ZNF618: variants seen among roughly 807,000 people sequenced by gnomAD.
ZNF618 encodes the protein zinc finger protein 618.
In ZNF618, 34 loss-of-function variants were observed where a neutral mutation model predicts 103.0. That is an observed-to-expected ratio of 0.33 (90% CI 0.25 to 0.44). The LOEUF (loss-of-function observed/expected upper bound fraction) is 0.44, where lower values mean the gene tolerates loss of function less well. Ranked by LOEUF, ZNF618 falls within the 20% of genes least tolerant of loss-of-function variation. ZNF618 has a pLI of 1.00. For missense variants in ZNF618, 1,059 were observed against 1,295.4 expected, an observed-to-expected ratio of 0.82 and a Z score of 2.80; for synonymous variants, 551 against 542.2, an observed-to-expected ratio of 1.02 and a Z score of -0.23.
intron 13 of ZNF618, among the ~76,000 whole-genome samples, chr9:114,046,392 C>G (rs1291275204): frequency 6.6e-6 from 1 of 152,140 alleles, no homozygotes; most frequent in Non-Finnish European, 1.5e-5. Flanking sequence ...GTATTCAGTA[C>G]AGTAACGCAC....
intron 4 of ZNF618, among the ~76,000 whole-genome samples, chr9:113,999,681 C>T (rs911707105): frequency 2.0e-5 from 3 of 152,256 alleles, no homozygotes; most frequent in Admixed American, 1.3e-4. Flanking sequence ...CTTGGGCCCC[C>T]CACTGCAGTT....
At chr9:113,975,981 C>G (rs145852629) in intron 2 of ZNF618, among the ~76,000 whole-genome samples, 1 of 152,306 alleles carries the variant, frequency 6.6e-6, no homozygotes, top group East Asian at 1.9e-4. Flanking sequence ...GGCCCATGTA[C>G]TTACTCCAAA....
intron 1 of ZNF618, among the ~76,000 whole-genome samples, chr9:113,956,114 C>T (rs1054405402): frequency 2.3e-4 from 33 of 141,388 alleles, no homozygotes; most frequent in African/African-American, 8.2e-4. Context: ...GAGGCTGAGG[C>T]AGGAGAATTG....
chr9:113,911,362 C>G (rs1831527637), intron 1 of ZNF618, among the ~76,000 whole-genome samples: 1 of 152,060 alleles, frequency 6.6e-6, no homozygotes, highest in Non-Finnish European at 1.5e-5. Flanking sequence ...GAGTTTCACT[C>G]TAGTCACCCA....
At chr9:113,879,005 CTTTT>C (rs879800251) in intron 1 of ZNF618, among the ~76,000 whole-genome samples, 3 of 142,370 alleles carry the variant, frequency 2.1e-5, no homozygotes, top group African/African-American at 7.7e-5. Flanking sequence ...TTGGAATGAG[CTTTT>C]TTTTTTTTAA....
intron 6 of ZNF618, among the ~76,000 whole-genome samples, chr9:114,005,081 A>T (rs970594616): frequency 1.3e-5 from 2 of 152,148 alleles, no homozygotes; most frequent in African/African-American, 4.8e-5. Context: ...TCTTTATTAT[A>T]ACTATAGGAA....
intron 1 of ZNF618, among the ~76,000 whole-genome samples, chr9:113,885,304 G>A (rs1828959881): frequency 6.6e-6 from 1 of 152,204 alleles, no homozygotes; most frequent in African/African-American, 2.4e-5. Flanking sequence ...TGAGAAATGG[G>A]CTGGTAATGA....
chr9:113,955,646 T>A (rs1190523276), intron 1 of ZNF618, among the ~76,000 whole-genome samples: 1 of 152,136 alleles, frequency 6.6e-6, no homozygotes, highest in Admixed American at 6.5e-5. Context: ...ACTTTGAGTT[T>A]GAGCATGTGT....
intron 1 of ZNF618, among the ~76,000 whole-genome samples, chr9:113,908,502 T>A (rs1185734411): frequency 6.6e-6 from 1 of 152,224 alleles, no homozygotes; most frequent in Non-Finnish European, 1.5e-5. Context: ...GTTATACATT[T>A]TTTTTTGACC....
intron 1 of ZNF618, among the ~76,000 whole-genome samples, chr9:113,877,124 C>T (rs1481116824): frequency 6.6e-6 from 1 of 151,446 alleles, no homozygotes; most frequent in African/African-American, 2.4e-5. Context: ...TTTCCAGAAG[C>T]ATGGAGACAA....
intron 6 of ZNF618, among the ~76,000 whole-genome samples, chr9:114,003,605 C>CA (rs1380266453): frequency 1.3e-5 from 2 of 152,204 alleles, no homozygotes; most frequent in African/African-American, 2.4e-5. Context: ...CAGGCGTAAA[C>CA]AGAGTTCAGC....
chr9:113,914,926 A>G (rs920779945), intron 1 of ZNF618, among the ~76,000 whole-genome samples: 1 of 152,156 alleles, frequency 6.6e-6, no homozygotes, highest in Non-Finnish European at 1.5e-5. Context: ...GGCTCATGAA[A>G]CTTACCTGCA....
chr9:114,006,496 G>A (rs1305499069), intron 6 of ZNF618, among the ~76,000 whole-genome samples: 1 of 152,204 alleles, frequency 6.6e-6, no homozygotes, highest in Non-Finnish European at 1.5e-5. Context: ...TGTGGAGGGG[G>A]TAATGTCCTG....
At chr9:114,003,080 C>T (rs1159527254) in intron 6 of ZNF618, among the ~76,000 whole-genome samples, 5 of 152,334 alleles carry the variant, frequency 3.3e-5, no homozygotes, top group Non-Finnish European at 5.9e-5. Flanking sequence ...TCTGGGGCTC[C>T]GTAGTTGACT....
At chr9:113,938,461 C>T (rs1419657424) in intron 1 of ZNF618, among the ~76,000 whole-genome samples, 2 of 151,892 alleles carry the variant, frequency 1.3e-5, no homozygotes, top group African/African-American at 4.8e-5. Flanking sequence ...GGATTATAGG[C>T]GTGAGCCACC....
chr9:114,014,768 AT>A (rs398113826), intron 9 of ZNF618, among the ~76,000 whole-genome samples: 1 of 151,672 alleles, frequency 6.6e-6, no homozygotes, highest in African/African-American at 2.4e-5. Flanking sequence ...AACACCTAGA[AT>A]TTTTTTTTCA....
chr9:113,970,722 C>A (rs954735401), intron 2 of ZNF618, among the ~76,000 whole-genome samples: 2 of 151,698 alleles, frequency 1.3e-5, no homozygotes, highest in Non-Finnish European at 2.9e-5. Flanking sequence ...TTTCCCTGAC[C>A]CTCCGTATCA....
Position 114,050,536 on chromosome 9 carries a change from A to G in ZNF618, c.*369A>G. 1 of 172,252 alleles carries G rather than the reference A, an allele frequency of 5.8e-6. No homozygotes were observed. Among genetic ancestry groups the G allele is most frequent in the Non-Finnish European group, 1.2e-5 (1 of 81,774 alleles). 10.7% of individuals were successfully genotyped at this position (172,252 alleles called of 1,614,324 possible). On this transcript the variant is annotated 3_prime_UTR_variant, in exon 15 of 15. Coordinates refer to ENST00000374126, the MANE Select transcript of ZNF618 (RefSeq NM_001318042.2). ...GGGTGTGCATTGAACTGGGCGTGTC[A>G]GGAAAGCTGAGCGATTGGGAAAGAG...
At chr9:113,970,847 G>C (rs917685514) in intron 2 of ZNF618, among the ~76,000 whole-genome samples, 1 of 148,384 alleles carries the variant, frequency 6.7e-6, no homozygotes, top group African/African-American at 2.5e-5. Flanking sequence ...CTTTTTTTCT[G>C]TCTCTCTGAG....
Sources: gnomAD v4.1 joint callset for allele counts (sites outside exome capture counted in the v4.1 genomes callset) on GRCh38, gnomAD v4.1.1 for gene constraint, MANE v1.5 for transcripts, NCBI Gene and HGNC (gene_info 2026-07-23, HGNC 2026-07-21) for gene names.